The following ATG10 variants were observed in gnomAD, a reference collection of about 807,000 sequenced individuals.
The protein encoded by ATG10 is autophagy related 10, also known as ubiquitin-like-conjugating enzyme ATG10.
In ATG10, 30 loss-of-function variants were observed where a neutral mutation model predicts 32.1. The ratio of observed to expected loss-of-function variants is 0.94; its 90% CI spans 0.70 to 1.27. ATG10 has a LOEUF of 1.27. ATG10 is among the 50% of genes most tolerant of loss of function. The pLI, the probability that ATG10 is intolerant of heterozygous loss-of-function variation, is 0.00. For missense variants in ATG10, 233 were observed against 262.3 expected (o/e 0.89, Z 0.77); for synonymous variants, 87 against 91.5 (o/e 0.95, Z 0.28).
chr5:81,985,434 T>A (rs1205326177), intron 1 of ATG10, among the ~76,000 whole-genome samples: 1 of 152,142 alleles, frequency 6.6e-6, no homozygotes, highest in Non-Finnish European at 1.5e-5. Flanking sequence ...CAGCCCGGAT[T>A]TCTCTTTCCT....
At chr5:82,201,599 C>T (rs968433216) in intron 5 of ATG10, among the ~76,000 whole-genome samples, 1 of 152,186 alleles carries the variant, frequency 6.6e-6, no homozygotes, top group East Asian at 1.9e-4. Flanking sequence ...AATGAGTCTT[C>T]CAACTTTGTT....
intron 3 of ATG10, among the ~76,000 whole-genome samples, chr5:82,139,961 GC>G (rs1372996715): frequency 7.6e-6 from 1 of 131,330 alleles, no homozygotes; most frequent in Non-Finnish European, 1.7e-5. Flanking sequence ...CCTCCGCCCG[GC>G]CAGCCGCCCC....
chr5:82,184,310 A>G (rs1744362101), intron 5 of ATG10, among the ~76,000 whole-genome samples: 1 of 152,242 alleles, frequency 6.6e-6, no homozygotes, highest in Non-Finnish European at 1.5e-5. Context: ...TACATTGCCT[A>G]GCACATAATA....
Position 82,096,124 on chromosome 5 carries a change from A to G in ATG10, c.216+37522A>G, listed in dbSNP as rs149830834. ...AAAACACTGGCACATCAGCTATCAC[A>G]TGGATACCGTTTTATAGTCAAATAA... On this transcript the variant is annotated intron_variant, in intron 3 of 7. Coordinates refer to ENST00000282185, the MANE Select transcript of ATG10 (RefSeq NM_031482.5). 2.8e-3 allele frequency among the ~76,000 whole-genome samples: 430 copies of G among 152,274 alleles called. 1 individual carries two copies. The highest frequency in any genetic ancestry group is 9.0e-3 in the African/African-American group (375 of 41,560).
In ATG10 at chr5:82,255,031, T is replaced by C. The variant is rs1180384651; in HGVS notation, c.*968T>C. 1 of 152,112 alleles carries C rather than the reference T, an allele frequency of 6.6e-6. No homozygotes were observed. The highest frequency in any genetic ancestry group is 2.4e-5 in the African/African-American group (1 of 41,426). 9.4% of individuals were successfully genotyped at this position (152,112 alleles called of 1,614,324 possible). A position where few individuals can be genotyped will look rare whatever the true frequency, so the allele number is the denominator to read the frequency against. On this transcript the variant is annotated 3_prime_UTR_variant, in exon 8 of 8. Transcript: ENST00000282185. Reference sequence around the variant, plus strand: ...TGTGGCATAGTAATTAGAAGTTTTCTAAAAAGCTATAGGAGATATTTAAAC... The same window carrying C: ...TGTGGCATAGTAATTAGAAGTTTTCCAAAAAGCTATAGGAGATATTTAAAC...
chr5:82,220,487 C>A (rs1457621423), intron 5 of ATG10, among the ~76,000 whole-genome samples: 1 of 152,036 alleles, frequency 6.6e-6, no homozygotes, highest in Admixed American at 6.5e-5. Flanking sequence ...TGGTCTCGAT[C>A]TCCTGACCTC....
chr5:82,105,738 C>G (rs990013265), intron 3 of ATG10, among the ~76,000 whole-genome samples: 1 of 152,092 alleles, frequency 6.6e-6, no homozygotes, highest in Non-Finnish European at 1.5e-5. Context: ...AGAGTGGCAC[C>G]CAGTCACCAG....
chr5:82,123,237 A>G (rs1431356148), intron 3 of ATG10, among the ~76,000 whole-genome samples: 1 of 152,212 alleles, frequency 6.6e-6, no homozygotes, highest in African/African-American at 2.4e-5. Flanking sequence ...GATGGAGGCT[A>G]TTATCCTTAG....
chr5:82,214,398 T>C (rs1325561638), intron 5 of ATG10, among the ~76,000 whole-genome samples: 1 of 152,164 alleles, frequency 6.6e-6, no homozygotes, highest in South Asian at 2.1e-4. Context: ...GTAAGCTTGA[T>C]AGGAATAATT....
chr5:82,230,499 C>T (rs1334243196), intron 5 of ATG10, among the ~76,000 whole-genome samples: 1 of 151,758 alleles, frequency 6.6e-6, no homozygotes, highest in Non-Finnish European at 1.5e-5. Flanking sequence ...TTTGGGATGC[C>T]GAGGCGGGTG....
chr5:82,056,429 G>GTTTTTTTT (rs375167558), intron 2 of ATG10, among the ~76,000 whole-genome samples: 1 of 125,396 alleles, frequency 8.0e-6, no homozygotes, highest in African/African-American at 3.0e-5. Context: ...TGGCTGCCAG[G>GTTTTTTTT]TTTTTTTTTT....
At chr5:82,099,681 G>A (rs1276725624) in intron 3 of ATG10, among the ~76,000 whole-genome samples, 1 of 152,046 alleles carries the variant, frequency 6.6e-6, no homozygotes, top group East Asian at 1.9e-4. Flanking sequence ...TATTAATTTA[G>A]CATAGTATTA....
chr5:82,131,829 A>G (rs537608349), intron 3 of ATG10, among the ~76,000 whole-genome samples: 36 of 152,254 alleles, frequency 2.4e-4, no homozygotes, highest in Non-Finnish European at 4.0e-4. Context: ...TAATTGGCTC[A>G]TGGTTCTGCA....
chr5:82,070,491 ATTATC>A (rs974918142), intron 3 of ATG10, among the ~76,000 whole-genome samples: 2 of 152,106 alleles, frequency 1.3e-5, no homozygotes, highest in Non-Finnish European at 2.9e-5. Context: ...CAATGTAACA[ATTATC>A]TTAAACTCTG....
chr5:81,979,595 CCAGACATTG>C (rs1364279352), intron 1 of ATG10, among the ~76,000 whole-genome samples: 1 of 152,116 alleles, frequency 6.6e-6, no homozygotes, highest in Non-Finnish European at 1.5e-5. Flanking sequence ...AATCAAATCC[CCAGACATTG>C]CAGACATTGC....
intron 2 of ATG10, among the ~76,000 whole-genome samples, chr5:82,053,824 C>T (rs1278491078): frequency 6.6e-6 from 1 of 152,132 alleles, no homozygotes; most frequent in Non-Finnish European, 1.5e-5. Flanking sequence ...AGTTACAAGA[C>T]TACTGGCAGT....
intron 1 of ATG10, among the ~76,000 whole-genome samples, chr5:81,973,930 G>C (rs1006585280): frequency 6.6e-6 from 1 of 152,152 alleles, no homozygotes; most frequent in Non-Finnish European, 1.5e-5. Flanking sequence ...TATTTCCCTT[G>C]TCTCCTGTTT....
chr5:82,128,321 C>T (rs943751295), intron 3 of ATG10, among the ~76,000 whole-genome samples: 1 of 151,818 alleles, frequency 6.6e-6, no homozygotes, highest in Non-Finnish European at 1.5e-5. Flanking sequence ...TGAATTTGAT[C>T]ATGTCAGTAT....
intron 3 of ATG10, among the ~76,000 whole-genome samples, chr5:82,152,809 T>G (rs2149883018): frequency 6.6e-6 from 1 of 152,318 alleles, no homozygotes; most frequent in South Asian, 2.1e-4. Flanking sequence ...ATACACATAT[T>G]AGGGTTGAGT....
Sources: gnomAD v4.1 joint callset for allele counts (sites outside exome capture counted in the v4.1 genomes callset) on GRCh38, gnomAD v4.1.1 for gene constraint, MANE v1.5 for transcripts, NCBI Gene and HGNC (gene_info 2026-07-23, HGNC 2026-07-21) for gene names.